Variants in OPRPN observed in about 807,000 individuals in gnomAD.
OPRPN encodes the protein opiorphin prepropeptide.
A neutral mutation model predicts 2.2 loss-of-function variants in OPRPN; 1 was observed. The ratio of observed to expected loss-of-function variants is 0.45; its 90% CI spans 0.16 to 2.15. The LOEUF is 2.15. OPRPN is among the 30% of genes most tolerant of loss of function. The probability of loss-of-function intolerance (pLI) is 0.28; values close to 1 mark genes in which losing one functional copy is unlikely to be tolerated. For synonymous variants in OPRPN, 126 were observed against 111.5 expected, an observed-to-expected ratio of 1.13 and a Z score of -0.82; for missense variants, 306 against 297.3, an observed-to-expected ratio of 1.03 and a Z score of -0.21.
At chr4:70,403,823 T>C (rs1733029798) in intron 2 of OPRPN, among the ~76,000 whole-genome samples, 1 of 152,082 alleles carries the variant, frequency 6.6e-6, no homozygotes, top group Non-Finnish European at 1.5e-5. Context: ...ACCCAATATA[T>C]TCTAAGACCA....
intron 2 of OPRPN, among the ~76,000 whole-genome samples, chr4:70,405,647 C>T (rs1488310072): frequency 6.6e-6 from 1 of 152,232 alleles, no homozygotes; most frequent in East Asian, 1.9e-4. Flanking sequence ...ACTTTTCAAA[C>T]TCAAAAGGAT....
At chr4:70,405,787 G>A (rs755145396) in intron 2 of OPRPN, among the ~76,000 whole-genome samples, 2 of 152,118 alleles carry the variant, frequency 1.3e-5, no homozygotes, top group Non-Finnish European at 2.9e-5. Flanking sequence ...AACTTGGCCA[G>A]GCATGGTGGC....
chr4:70,406,051 G>A (rs1004338812), intron 2 of OPRPN, among the ~76,000 whole-genome samples: 2 of 150,106 alleles, frequency 1.3e-5, no homozygotes, highest in African/African-American at 5.0e-5. Flanking sequence ...CTGGGTAGCA[G>A]AGCATGACCC....
At chr4:70,401,107 CCAGAAGCCTG>C (rs1732976378) in intron 2 of OPRPN, among the ~76,000 whole-genome samples, 2 of 152,006 alleles carry the variant, frequency 1.3e-5, no homozygotes, top group African/African-American at 4.8e-5. Flanking sequence ...TATTTTTATT[CCAGAAGCCTG>C]AATTGCAAGA....
chr4:70,401,531 C>T (rs964350384), intron 2 of OPRPN, among the ~76,000 whole-genome samples: 2 of 151,968 alleles, frequency 1.3e-5, no homozygotes, highest in Non-Finnish European at 2.9e-5. Flanking sequence ...CAGTTTTACC[C>T]TCAAACCTCA....
At chr4:70,408,526 A>G (rs1194579364) in intron 2 of OPRPN, among the ~76,000 whole-genome samples, 1 of 152,216 alleles carries the variant, frequency 6.6e-6, no homozygotes, top group Non-Finnish European at 1.5e-5. Flanking sequence ...TACCATCTAC[A>G]AGCCATGCTT....
At chr4:70,400,439 T>G (rs189690046) in intron 2 of OPRPN, among the ~76,000 whole-genome samples, 1 of 152,076 alleles carries the variant, frequency 6.6e-6, no homozygotes, top group Non-Finnish European at 1.5e-5. Flanking sequence ...AAAAAAATTA[T>G]ACTTCTGAGG....
chr4:70,407,881 G>A (rs1479668335), intron 2 of OPRPN, among the ~76,000 whole-genome samples: 1 of 152,166 alleles, frequency 6.6e-6, no homozygotes, highest in Non-Finnish European at 1.5e-5. Flanking sequence ...GCATAGGGCA[G>A]GAAAGTGAAG....
At position 70,403,556 on chromosome 4, in the gene OPRPN, T is replaced by C. The variant is rs142294180; in HGVS notation, c.51+4220T>C. Among the ~76,000 whole-genome samples, 403 of 152,332 alleles carry C rather than the reference T, an allele frequency of 2.6e-3. 6 individuals are homozygous for C. The highest frequency in any genetic ancestry group is 9.2e-3 in the African/African-American group (382 of 41,570). ...TTTGCAAAAAATATTTATGTTTCATTGAAACATGTTTGCATGTTTGTGTGC... is the reference window on the plus strand; with the variant it reads ...TTTGCAAAAAATATTTATGTTTCATCGAAACATGTTTGCATGTTTGTGTGC... On this transcript the variant is annotated intron_variant, in intron 2 of 2. Coordinates refer to ENST00000399575, the MANE Select transcript of OPRPN (RefSeq NM_021225.5).
rs529290109 is a variant in OPRPN, at chr4:70,410,020, T to A, written c.692T>A (p.Leu231Ter). ...VQVTTSNQTILSSPAFKSFWQ... is the reference protein window; with the variant it reads ...VQVTTSNQTI ...GTTACGACTTCCAACCAAACTATAT[T>A]AAGCAGCCCAGCCTTTAAAAGTTTT... is the stretch of plus-strand genomic sequence containing the variant. The change falls in exon 3 of 3, where the codon TTA (leucine) becomes TAA (stop). Residue 231 changes from leucine to a stop codon, truncating the protein, a stop_gained. Transcript: ENST00000399575. LOFTEE classifies it low-confidence loss of function (END_TRUNC). 5.2e-5 allele frequency: 84 copies of A among 1,600,048 alleles called. No homozygotes were observed. The East Asian group carries it at 1.4e-3, about 27-fold the overall frequency.
chr4:70,405,253 A>T (rs1031456028), intron 2 of OPRPN, among the ~76,000 whole-genome samples: 4 of 152,194 alleles, frequency 2.6e-5, no homozygotes, highest in African/African-American at 7.2e-5. Flanking sequence ...ACCATTGGCC[A>T]GTGGAGGAGG....
At chr4:70,404,625 T>G (rs528648828) in intron 2 of OPRPN, among the ~76,000 whole-genome samples, 1 of 152,308 alleles carries the variant, frequency 6.6e-6, no homozygotes, top group African/African-American at 2.4e-5. Context: ...GTCCCTGCAG[T>G]TTATTCTCCA....
intron 2 of OPRPN, among the ~76,000 whole-genome samples, chr4:70,402,559 C>T (rs1733006888): frequency 6.6e-6 from 1 of 151,946 alleles, no homozygotes; most frequent in African/African-American, 2.4e-5. Context: ...GGGTAAACAG[C>T]AGTGAACAAA....
chr4:70,408,034 T>A (rs1242407809), intron 2 of OPRPN, among the ~76,000 whole-genome samples: 1 of 152,126 alleles, frequency 6.6e-6, no homozygotes, highest in Non-Finnish European at 1.5e-5. Flanking sequence ...AGGAAATGAT[T>A]TAGCAGTGCT....
intron 2 of OPRPN, 109 bp from the exon 3 acceptor site, chr4:70,409,271 C>A: frequency 1.2e-6 from 1 of 831,848 alleles, no homozygotes; most frequent in Non-Finnish European, 1.9e-6. Flanking sequence ...CTTAGTATAT[C>A]CTAATGTTTA....
chr4:70,399,222 A>G, intron 1 of OPRPN, 49 bp from the exon 2 acceptor site: 5 of 1,383,322 alleles, frequency 3.6e-6, no homozygotes, highest in Non-Finnish European at 5.0e-6. Flanking sequence ...TCTGAAAAAC[A>G]CTGTTGATCG....
chr4:70,407,070 A>C (rs1188997189), intron 2 of OPRPN, among the ~76,000 whole-genome samples: 1 of 152,032 alleles, frequency 6.6e-6, no homozygotes, highest in Non-Finnish European at 1.5e-5. Context: ...TGCTCTCTTT[A>C]CTCACAGTCC....
In OPRPN at chr4:70,404,101, C is replaced by T. The variant is rs189978466; in HGVS notation, c.51+4765C>T. On this transcript the variant is annotated intron_variant, in intron 2 of 2. Transcript: ENST00000399575. ...TTCCTGTTCTGTCTTAAGCCTACTC[C>T]AAGCAGACTTTGCCCACATCATTTG... Among the ~76,000 whole-genome samples, 25 of 152,266 alleles carry T rather than the reference C, an allele frequency of 1.6e-4. 1 individual carries two copies. The East Asian group carries it at 4.2e-3, about 26-fold the overall frequency.
intron 2 of OPRPN, among the ~76,000 whole-genome samples, chr4:70,400,355 C>A (rs1732950536): frequency 6.6e-6 from 1 of 151,848 alleles, no homozygotes; most frequent in African/African-American, 2.4e-5. Flanking sequence ...CGTTATTTTT[C>A]TGAAGCATTT....
Sources: allele counts gnomAD v4.1 joint callset (sites outside exome capture counted in the v4.1 genomes callset), GRCh38; gene constraint gnomAD v4.1.1; transcripts MANE v1.5; gene names NCBI Gene and HGNC (gene_info 2026-07-23, HGNC 2026-07-21).